TNS1: variants seen among roughly 807,000 people sequenced by gnomAD.
The protein encoded by TNS1 is tensin 1.
Under a neutral mutation model 168.6 loss-of-function variants are expected in TNS1, and 62 were observed. That is an observed-to-expected ratio of 0.37 (90% confidence interval 0.30 to 0.45). The LOEUF (loss-of-function observed/expected upper bound fraction) is 0.45, where lower values mean the gene tolerates loss of function less well. TNS1 is among the 20% of genes least tolerant of loss of function. The probability of loss-of-function intolerance (pLI) is 1.00; values close to 1 mark genes in which losing one functional copy is unlikely to be tolerated. For synonymous variants in TNS1, 934 were observed against 933.2 expected, an observed-to-expected ratio of 1.00 and a Z score of -0.02; for missense variants, 2,240 against 2,339.4, an observed-to-expected ratio of 0.96 and a Z score of 0.88.
At position 217,903,629 on chromosome 2, in the gene TNS1, G is replaced by A. The variant is rs1246897701; in HGVS notation, c.321+2706C>T. ...TCCAAAACACAATCCTTCCTTTGCT[G>A]AAAGGGCACCATGAAAGGAAATTCG... On this transcript the variant is annotated intron_variant, in intron 6 of 32. Transcript: ENST00000682258. The A allele has an allele frequency of 2.6e-6, 4 of 1,534,242 alleles. No individual in the cohort carries two copies. The African/African-American group carries it at 4.1e-5, about 16-fold the overall frequency.
At chr2:217,976,627 C>T (rs554457248) in intron 3 of TNS1, among the ~76,000 whole-genome samples, 54 of 152,350 alleles carry the variant, frequency 3.5e-4, no homozygotes, top group African/African-American at 1.3e-3. Context: ...CCCCAGCACA[C>T]GTGAGAGACT....
intron 18 of TNS1, among the ~76,000 whole-genome samples, chr2:217,875,254 G>A (rs763540332): frequency 6.6e-6 from 1 of 152,166 alleles, no homozygotes; most frequent in Admixed American, 6.5e-5. Flanking sequence ...GTTGGGTCAG[G>A]CCCACTGAGA....
chr2:217,947,050 C>G (rs1385102228), intron 3 of TNS1, among the ~76,000 whole-genome samples: 2 of 151,716 alleles, frequency 1.3e-5, no homozygotes, highest in Non-Finnish European at 2.9e-5. Context: ...CTCCTCCCAA[C>G]TCTTCCTTCC....
chr2:217,856,231 G>A (rs1948117895), intron 18 of TNS1, among the ~76,000 whole-genome samples: 1 of 152,182 alleles, frequency 6.6e-6, no homozygotes, highest in Non-Finnish European at 1.5e-5. Context: ...CTAAGAAGTG[G>A]CTCAGGGTGC....
chr2:217,820,479 A>T (rs1268948425), intron 23 of TNS1, among the ~76,000 whole-genome samples: 7 of 152,116 alleles, frequency 4.6e-5, no homozygotes, highest in Non-Finnish European at 1.0e-4. Flanking sequence ...TAGTCATCCC[A>T]TGGTGCCCCC....
chr2:217,955,991 G>A (rs1229050988), intron 3 of TNS1, among the ~76,000 whole-genome samples: 1 of 152,114 alleles, frequency 6.6e-6, no homozygotes, highest in East Asian at 1.9e-4. Context: ...CTTGAAGTGG[G>A]AGGGGTGTCC....
intron 19 of TNS1, among the ~76,000 whole-genome samples, chr2:217,842,746 C>T (rs1946148287): frequency 6.6e-6 from 1 of 152,172 alleles, no homozygotes; most frequent in African/African-American, 2.4e-5. Flanking sequence ...TCCCTGTTCC[C>T]ATTTCCTCTC....
chr2:217,900,367 G>C, intron 7 of TNS1, 96 bp downstream of exon 7: 7 of 1,392,966 alleles, frequency 5.0e-6, no homozygotes, highest in Non-Finnish European at 6.8e-6. Flanking sequence ...CTTTATGGCT[G>C]CAGTCCGGGG....
At position 217,893,551 on chromosome 2, in the gene TNS1, A is replaced by G; in HGVS notation, c.605T>C (p.Phe202Ser). 3 of 1,610,966 alleles carry G rather than the reference A, an allele frequency of 1.9e-6. No homozygotes were observed. The highest frequency in any genetic ancestry group is 2.5e-6 in the Non-Finnish European group (3 of 1,178,786). Residue 202 changes from phenylalanine to serine, a missense_variant, in exon 10 of 33, where the codon TTT becomes TCT. Coordinates refer to ENST00000682258, the MANE Select transcript of TNS1 (RefSeq NM_001387777.1). ...ITKLHAKVLE[F>S]GWPDLHTPAL... Reference sequence around the variant, plus strand: ...TGGGGTGTGGAGGTCGGGCCAGCCAAATTCCAGTACCTGTGGCCCAAGCCA... The same window carrying G: ...TGGGGTGTGGAGGTCGGGCCAGCCAGATTCCAGTACCTGTGGCCCAAGCCA...
intron 1 of TNS1, among the ~76,000 whole-genome samples, chr2:218,017,852 T>C (rs375648213): frequency 6.6e-6 from 1 of 152,166 alleles, no homozygotes; most frequent in African/African-American, 2.4e-5. Context: ...AGCTGCACAC[T>C]GCCCACCCCA....
At chr2:217,860,343 G>C (rs569288904) in intron 18 of TNS1, among the ~76,000 whole-genome samples, 2 of 152,158 alleles carry the variant, frequency 1.3e-5, no homozygotes, top group Non-Finnish European at 2.9e-5. Flanking sequence ...TCACTGATGA[G>C]ATAAAATGGG....
intron 22 of TNS1, among the ~76,000 whole-genome samples, chr2:217,824,973 A>G (rs1385984563): frequency 6.6e-6 from 1 of 152,070 alleles, no homozygotes; most frequent in Non-Finnish European, 1.5e-5. Flanking sequence ...GTGCTCCACA[A>G]AGTCACAGAA....
intron 18 of TNS1, among the ~76,000 whole-genome samples, chr2:217,875,228 G>A (rs1241091883): frequency 6.6e-6 from 1 of 152,182 alleles, no homozygotes. Flanking sequence ...TGTAGTATGA[G>A]CAGAAATATG....
intron 3 of TNS1, among the ~76,000 whole-genome samples, chr2:217,966,304 TGTGTGC>T (rs1169176109): frequency 0.012 from 1,587 of 137,380 alleles, 30 homozygotes; most frequent in African/African-American, 0.047. Flanking sequence ...TGTGTGTGTG[TGTGTGC>T]GCGCGCGCGC....
At chr2:218,024,013 T>G (rs1261815275) in intron 1 of TNS1, among the ~76,000 whole-genome samples, 1 of 152,210 alleles carries the variant, frequency 6.6e-6, no homozygotes, top group Non-Finnish European at 1.5e-5. Flanking sequence ...GCCTGCCCAC[T>G]GTGTCCCAGA....
intron 3 of TNS1, chr2:217,936,919 C>T (rs1406099568): frequency 2.2e-6 from 1 of 456,716 alleles, no homozygotes; most frequent in East Asian, 7.0e-5. Flanking sequence ...GACACTAAGG[C>T]TCAGACCCAT....
At chr2:217,967,168 A>G (rs941038900) in intron 3 of TNS1, among the ~76,000 whole-genome samples, 2 of 152,052 alleles carry the variant, frequency 1.3e-5, no homozygotes, top group Non-Finnish European at 2.9e-5. Flanking sequence ...AAATACAAAA[A>G]AAATTAGCCA....
chr2:217,805,562 CCACCA>C, intron 32 of TNS1, among the ~76,000 whole-genome samples: 1 of 1,442 alleles, frequency 6.9e-4, no homozygotes, highest in African/African-American at 3.1e-3. Context: ...ACCACACACA[CCACCA>C]CACACACCAC....
chr2:217,859,780 G>A (rs183049532), intron 18 of TNS1: 20 of 1,167,618 alleles, frequency 1.7e-5, no homozygotes, highest in South Asian at 4.1e-5. Context: ...ACCCAGATCC[G>A]AGAGCCATGC....
Sources: gnomAD v4.1 joint callset for allele counts (sites outside exome capture counted in the v4.1 genomes callset) on GRCh38, gnomAD v4.1.1 for gene constraint, MANE v1.5 for transcripts, NCBI Gene and HGNC (gene_info 2026-07-23, HGNC 2026-07-21) for gene names.